PNKD: variants seen among roughly 807,000 people sequenced by gnomAD.
The protein encoded by PNKD is PNKD metallo-beta-lactamase domain containing.
A neutral mutation model predicts 45.3 loss-of-function variants in PNKD; 36 were observed. The ratio of observed to expected loss-of-function variants is 0.80; its 90% CI spans 0.61 to 1.05. The LOEUF is 1.05. PNKD is among the 50% of genes least tolerant of loss of function. PNKD has a pLI of 0.00. For synonymous variants in PNKD, 197 were observed against 210.1 expected (o/e 0.94, Z 0.54); for missense variants, 511 against 506.6 (o/e 1.01, Z -0.08).
chr2:218,315,197 A>C (rs752188724), intron 2 of PNKD, among the ~76,000 whole-genome samples: 1 of 145,640 alleles, frequency 6.9e-6, no homozygotes, highest in East Asian at 2.0e-4. Context: ...GCTGGAGTGC[A>C]GTGGCGTGAT....
intron 2 of PNKD, among the ~76,000 whole-genome samples, chr2:218,303,611 C>T (rs1366597021): frequency 7.4e-6 from 1 of 135,244 alleles, no homozygotes; most frequent in Non-Finnish European, 1.5e-5. Flanking sequence ...GAGTCTTGCT[C>T]TGTTGCCCAG....
intron 2 of PNKD, chr2:218,272,482 A>G (rs1270289574): frequency 3.3e-6 from 4 of 1,218,970 alleles, no homozygotes; most frequent in Non-Finnish European, 4.9e-6. Flanking sequence ...GCATTCATGC[A>G]ACTGATGAAG....
chr2:218,277,384 G>C, intron 2 of PNKD: 1 of 1,614,176 alleles, frequency 6.2e-7, no homozygotes, highest in African/African-American at 1.3e-5. Flanking sequence ...GAAAGCAGAA[G>C]ATGGTGACTG....
At chr2:218,280,141 C>T (rs1691732833) in intron 2 of PNKD, 1 of 1,592,304 alleles carries the variant, frequency 6.3e-7, no homozygotes, top group African/African-American at 1.3e-5. Flanking sequence ...GGACAGATGA[C>T]ACTTGACTCA....
rs373712088 is a variant in PNKD, at chr2:218,340,735, T to C, written c.473T>C (p.Ile158Thr). ...ACCTCCTCTCTCTCGCAGGCTTCCA[T>C]TGAAAAGGAAGGGGTCACCTTGGTC... is the stretch of plus-strand genomic sequence containing the variant. ...PSDPRAVQAS[I>T]EKEGVTLVAI... Residue 158 changes from isoleucine to threonine, a missense_variant, in exon 5 of 10, where the codon ATT (isoleucine) becomes ACT (threonine). Transcript: ENST00000273077. This position sits in a 1 kb window ranked among gnomAD's most constrained non-coding sequence, Gnocchi z 4.2. 6.2e-7 allele frequency: 1 copy of C among 1,613,644 alleles called. No homozygotes were observed. The highest frequency in any genetic ancestry group is 8.5e-7 in the Non-Finnish European group (1 of 1,179,752).
In PNKD at chr2:218,270,723, T is replaced by TA. The variant is rs1299373195; in HGVS notation, c.67+122dup. ...CTCCCCACACTTTTCTGCAAGATCT[T>TA]AGAGTCTGGGGGTGCAGAGATGCTC... is the stretch of plus-strand genomic sequence containing the variant. On this transcript the variant is annotated intron_variant, in intron 1 of 9. Transcript: ENST00000273077. The TA allele has an allele frequency of 7.1e-6, 3 of 424,110 alleles. No homozygotes were observed. The East Asian group carries it at 1.1e-4, about 15-fold the overall frequency. 26.3% of individuals were successfully genotyped at this position (424,110 alleles called of 1,614,324 possible).
chr2:218,277,253 G>T, intron 2 of PNKD: 1 of 1,174,634 alleles, frequency 8.5e-7, no homozygotes, highest in Non-Finnish European at 1.3e-6. Context: ...TTTTGTAGGT[G>T]CGGATGAGGA....
At chr2:218,300,321 C>T (rs1693242382) in intron 2 of PNKD, among the ~76,000 whole-genome samples, 1 of 152,094 alleles carries the variant, frequency 6.6e-6, no homozygotes, top group South Asian at 2.1e-4. Flanking sequence ...TTCTACAGTC[C>T]CTTCTGAACT....
intron 2 of PNKD, among the ~76,000 whole-genome samples, chr2:218,328,746 A>G (rs567824348): frequency 6.6e-5 from 10 of 152,358 alleles, no homozygotes; most frequent in African/African-American, 2.4e-4. Flanking sequence ...AGCTTGGCTC[A>G]GGTGCCCTTT....
chr2:218,302,185 A>G (rs997167536), intron 2 of PNKD, among the ~76,000 whole-genome samples: 1 of 152,118 alleles, frequency 6.6e-6, no homozygotes, highest in Non-Finnish European at 1.5e-5. Flanking sequence ...TGTCTCTACT[A>G]AAAATACAAA....
intron 2 of PNKD, among the ~76,000 whole-genome samples, chr2:218,318,700 G>A (rs1693888061): frequency 6.6e-6 from 1 of 152,162 alleles, no homozygotes; most frequent in Non-Finnish European, 1.5e-5. Flanking sequence ...ATACAGTGGT[G>A]CCAACACAGG....
chr2:218,299,309 T>C (rs549464308), intron 2 of PNKD, among the ~76,000 whole-genome samples: 51 of 152,102 alleles, frequency 3.4e-4, no homozygotes, highest in African/African-American at 9.9e-4. Context: ...GCCCAGCTAA[T>C]TTTTGTATTT....
intron 2 of PNKD, among the ~76,000 whole-genome samples, chr2:218,292,160 A>G (rs1433740558): frequency 6.6e-6 from 1 of 152,202 alleles, no homozygotes; most frequent in African/African-American, 2.4e-5. Flanking sequence ...CGTGCCCGAA[A>G]GAGGGAACAC....
chr2:218,309,840 G>A lies in PNKD; in HGVS notation c.237-29943G>A, dbSNP rs535842095. 4.5e-4 allele frequency among the ~76,000 whole-genome samples: 68 copies of A among 151,952 alleles called. 1 individual carries two copies. In the South Asian group the frequency reaches 0.014, roughly 32 times the overall value. Reference sequence around the variant, plus strand: ...ATCCCAGCTACTCAGGAGGCTGGGGGAGGAGAATCGCTTGAACCTGGGAGG... The same window carrying A: ...ATCCCAGCTACTCAGGAGGCTGGGGAAGGAGAATCGCTTGAACCTGGGAGG... On this transcript the variant is annotated intron_variant, in intron 2 of 9. Transcript: ENST00000273077.
At chr2:218,293,774 TGTTTG>T (rs1559513371) in intron 2 of PNKD, among the ~76,000 whole-genome samples, 1 of 84,434 alleles carries the variant, frequency 1.2e-5, no homozygotes, top group Non-Finnish European at 2.4e-5. Context: ...TTGTTTGTTT[TGTTTG>T]GTTTGTTTGT....
At chr2:218,323,457 C>T in intron 2 of PNKD, 5 of 1,286,894 alleles carry the variant, frequency 3.9e-6, no homozygotes, top group African/African-American at 3.1e-5. Context: ...CCGAAGCGTG[C>T]GGGCTCGGGA....
rs373863144 is a variant in PNKD at position 218,340,705 on chromosome 2, T to G, written c.466-23T>G. On this transcript the variant is annotated intron_variant, in intron 4 of 9. Coordinates refer to ENST00000273077, the MANE Select transcript of PNKD (RefSeq NM_015488.5). This position sits in a 1 kb window ranked among gnomAD's most constrained non-coding sequence, Gnocchi z 4.2. The stretch of plus-strand genomic sequence containing the variant: ...GCCTCTTGCATCCTGCTCCCCAGTC[T>G]CCAAACCTCCTCTCTCTCGCAGGCT... The G allele has an allele frequency of 2.6e-4, 419 of 1,607,586 alleles. 3 individuals are homozygous for G. In the South Asian group the frequency reaches 4.3e-3, roughly 16 times the overall value.
chr2:218,339,774 G>A lies in PNKD; in HGVS notation c.237-9G>A, dbSNP rs371173395. On this transcript the variant is annotated splice_polypyrimidine_tract_variant and intron_variant, in intron 2 of 9. Transcript: ENST00000273077. ...AAGGCTAATCATAGGCCACCCACTC[G>A]CCCTCTAGGTACAGCCTGTACACCC... 5.5e-4 allele frequency: 866 copies of A among 1,582,636 alleles called. 2 individuals carry two copies. Among genetic ancestry groups the A allele is most frequent in the Middle Eastern group, 8.3e-4 (5 of 6,028 alleles).
intron 2 of PNKD, chr2:218,279,494 C>A (rs761181850): frequency 1.5e-4 from 99 of 657,870 alleles, no homozygotes; most frequent in Non-Finnish European, 9.9e-5. Context: ...AGTGAGATGC[C>A]TGGCTCAGAG....
Sources: gnomAD v4.1 joint callset for allele counts (sites outside exome capture counted in the v4.1 genomes callset) on GRCh38, gnomAD v4.1.1 for gene constraint, Gnocchi (gnomAD v3.1) non-coding constraint, MANE v1.5 for transcripts, NCBI Gene and HGNC (gene_info 2026-07-23, HGNC 2026-07-21) for gene names.